The following PLPPR1 variants were observed in gnomAD, a reference collection of about 807,000 sequenced individuals.
PLPPR1 encodes the protein phospholipid phosphatase related 1, also known as phospholipid phosphatase-related protein type 1.
Under a neutral mutation model 33.1 loss-of-function variants are expected in PLPPR1, and 10 were observed. The observed-to-expected ratio is 0.30, with a 90% CI of 0.19 to 0.51. The LOEUF is 0.51. PLPPR1 is among the 20% of genes least tolerant of loss of function. The pLI, the probability that PLPPR1 is intolerant of heterozygous loss-of-function variation, is 0.97. For missense variants in PLPPR1, 304 were observed against 408.1 expected (o/e 0.74, Z 2.20); for synonymous variants, 151 against 151.0 (o/e 1.00, Z 0.00).
chr9:101,088,865 A>G (rs1830710443), intron 1 of PLPPR1, among the ~76,000 whole-genome samples: 2 of 152,214 alleles, frequency 1.3e-5, no homozygotes, highest in African/African-American at 4.8e-5. Context: ...TAATGAAATT[A>G]CAACATTAAA....
chr9:101,150,070 C>A (rs891733477), intron 1 of PLPPR1, among the ~76,000 whole-genome samples: 1 of 151,984 alleles, frequency 6.6e-6, no homozygotes, highest in African/African-American at 2.4e-5. Context: ...TATATATGTG[C>A]TTTTAATGGG....
chr9:101,296,078 T>G (rs1828630081), intron 4 of PLPPR1, among the ~76,000 whole-genome samples: 1 of 151,930 alleles, frequency 6.6e-6, no homozygotes, highest in South Asian at 2.1e-4. Context: ...ATATCCAGAA[T>G]CTACAATGAA....
chr9:101,065,181 C>A (rs748998786), intron 1 of PLPPR1, among the ~76,000 whole-genome samples: 1 of 152,020 alleles, frequency 6.6e-6, no homozygotes, highest in African/African-American at 2.4e-5. Flanking sequence ...TCTCTCTCAC[C>A]CTACTTTTTT....
chr9:101,283,517 G>C (rs1828338298), intron 3 of PLPPR1, among the ~76,000 whole-genome samples: 1 of 152,030 alleles, frequency 6.6e-6, no homozygotes, highest in Non-Finnish European at 1.5e-5. Flanking sequence ...AACTCAAAAT[G>C]GATTAAATAC....
chr9:101,246,951 T>C (rs78246059), intron 2 of PLPPR1, among the ~76,000 whole-genome samples: 115 of 152,096 alleles, frequency 7.6e-4, no homozygotes, highest in African/African-American at 2.7e-3. Context: ...CTGGCAGAGG[T>C]GCAAGAGCAG....
Position 101,324,684 on chromosome 9 carries a change from T to G in PLPPR1, c.*627T>G, listed in dbSNP as rs946745337. ...AGGGTATTGGGGTTATATGATTCTTTCTTAGATAATGGCCTCTACTAAATA... is the reference window on the plus strand; with the variant it reads ...AGGGTATTGGGGTTATATGATTCTTGCTTAGATAATGGCCTCTACTAAATA... On this transcript the variant is annotated 3_prime_UTR_variant, in exon 8 of 8. Coordinates refer to ENST00000374874, the MANE Select transcript of PLPPR1 (RefSeq NM_207299.2). 26 of 152,516 alleles carry G rather than the reference T, an allele frequency of 1.7e-4. No individual in the cohort carries two copies. The highest frequency in any genetic ancestry group is 6.3e-4 in the African/African-American group (26 of 41,450). 9.4% of individuals were successfully genotyped at this position (152,516 alleles called of 1,614,324 possible).
chr9:101,281,068 A>G (rs1451654383), intron 3 of PLPPR1, among the ~76,000 whole-genome samples: 2 of 149,142 alleles, frequency 1.3e-5, no homozygotes, highest in Admixed American at 1.4e-4. Flanking sequence ...CATAAATTCA[A>G]TAAAATTTCA....
intron 1 of PLPPR1, among the ~76,000 whole-genome samples, chr9:101,101,676 A>G (rs139290672): frequency 6.6e-6 from 1 of 152,340 alleles, no homozygotes; most frequent in Non-Finnish European, 1.5e-5. Context: ...GATCCTTTAG[A>G]TATCAATGGA....
At chr9:101,150,600 A>G (rs73497907) in intron 1 of PLPPR1, among the ~76,000 whole-genome samples, 2,492 of 152,268 alleles carry the variant, frequency 0.016, 65 homozygotes, top group African/African-American at 0.057. Context: ...TTGTCACTCA[A>G]AAATCTGGTG....
chr9:101,307,139 C>T (rs1242644464), intron 4 of PLPPR1, among the ~76,000 whole-genome samples: 1 of 152,156 alleles, frequency 6.6e-6, no homozygotes, highest in African/African-American at 2.4e-5. Flanking sequence ...AGACACAATC[C>T]ACAGAAGGCA....
intron 1 of PLPPR1, among the ~76,000 whole-genome samples, chr9:101,072,767 T>C (rs1444373217): frequency 6.6e-6 from 1 of 152,202 alleles, no homozygotes; most frequent in Non-Finnish European, 1.5e-5. Flanking sequence ...TCTTAGATTG[T>C]CATTATGGGC....
intron 1 of PLPPR1, among the ~76,000 whole-genome samples, chr9:101,109,732 G>T (rs531352527): frequency 6.6e-6 from 1 of 152,180 alleles, no homozygotes; most frequent in Admixed American, 6.5e-5. Flanking sequence ...CAGGATAATC[G>T]CTGTTAGTAT....
At chr9:101,186,737 A>G (rs774168654) in intron 2 of PLPPR1, among the ~76,000 whole-genome samples, 1 of 151,880 alleles carries the variant, frequency 6.6e-6, no homozygotes, top group Non-Finnish European at 1.5e-5. Context: ...GTTTCACCTT[A>G]TAGACATTGC....
chr9:101,172,354 A>G (rs753150607), intron 1 of PLPPR1, among the ~76,000 whole-genome samples: 208 of 35,338 alleles, frequency 5.9e-3, no homozygotes, highest in Non-Finnish European at 0.013. Flanking sequence ...ACTAAAGGGG[A>G]AAAAAAAAAA....
chr9:101,274,013 A>G (rs1200106746), intron 3 of PLPPR1, among the ~76,000 whole-genome samples: 1 of 152,224 alleles, frequency 6.6e-6, no homozygotes, highest in Non-Finnish European at 1.5e-5. Flanking sequence ...TTTTGATCTT[A>G]TCTCTTCCAT....
intron 1 of PLPPR1, among the ~76,000 whole-genome samples, chr9:101,109,664 T>G (rs1215337561): frequency 1.3e-5 from 2 of 152,216 alleles, no homozygotes; most frequent in African/African-American, 4.8e-5. Flanking sequence ...TAATGTTGAT[T>G]TTTTTAGCAT....
chr9:101,146,527 G>A (rs1028313453), intron 1 of PLPPR1, among the ~76,000 whole-genome samples: 4 of 152,234 alleles, frequency 2.6e-5, no homozygotes, highest in African/African-American at 4.8e-5. Flanking sequence ...CCCATGTCCT[G>A]TCCTTCTTTT....
intron 1 of PLPPR1, among the ~76,000 whole-genome samples, chr9:101,171,910 G>C (rs1183898592): frequency 6.6e-6 from 1 of 152,132 alleles, no homozygotes; most frequent in Non-Finnish European, 1.5e-5. Context: ...TCAAAGATGA[G>C]CTCCCTTTTG....
At chr9:101,283,152 C>A (rs1431458427) in intron 3 of PLPPR1, among the ~76,000 whole-genome samples, 1 of 152,094 alleles carries the variant, frequency 6.6e-6, no homozygotes, top group African/African-American at 2.4e-5. Context: ...TGATATTTTT[C>A]ACAGGATAGA....
Sources: allele counts gnomAD v4.1 joint callset (sites outside exome capture counted in the v4.1 genomes callset), GRCh38; gene constraint gnomAD v4.1.1; transcripts MANE v1.5; gene names NCBI Gene and HGNC (gene_info 2026-07-23, HGNC 2026-07-21).